The following SEL1L3 variants were observed in gnomAD, a reference collection of about 807,000 sequenced individuals.
SEL1L3 encodes the protein protein sel-1 homolog 3.
A neutral mutation model predicts 142.8 loss-of-function variants in SEL1L3; 76 were observed. That is an observed-to-expected ratio of 0.53 (90% CI 0.44 to 0.64). The LOEUF (loss-of-function observed/expected upper bound fraction) is 0.64. SEL1L3 is among the 30% of genes least tolerant of loss of function. The probability of loss-of-function intolerance (pLI) is 0.00; values close to 1 mark genes in which losing one functional copy is unlikely to be tolerated. For missense variants in SEL1L3, 1,262 were observed against 1,381.7 expected, an observed-to-expected ratio of 0.91 and a Z score of 1.37; for synonymous variants, 504 against 519.6, an observed-to-expected ratio of 0.97 and a Z score of 0.41.
chr4:25,818,799 G>A (rs958390934), intron 8 of SEL1L3, among the ~76,000 whole-genome samples: 8 of 152,084 alleles, frequency 5.3e-5, no homozygotes, highest in African/African-American at 1.4e-4. Flanking sequence ...CATATTTTCC[G>A]GATGATTCAG....
intron 9 of SEL1L3, among the ~76,000 whole-genome samples, chr4:25,809,983 G>A (rs909594947): frequency 3.3e-5 from 5 of 152,186 alleles, no homozygotes; most frequent in African/African-American, 4.8e-5. Flanking sequence ...ACTCCTTGGC[G>A]TATTGTGTGG....
At chr4:25,847,952 A>T in intron 1 of SEL1L3, 88 bp from the exon 2 acceptor site, 2 of 822,168 alleles carry the variant, frequency 2.4e-6, no homozygotes, top group Non-Finnish European at 3.8e-6. Context: ...TTCCTGGGAT[A>T]AAAAAATATC....
rs1045862379 is a variant in SEL1L3 at position 25,791,751 on chromosome 4, T to G, written c.1957-1177A>C. 7.2e-4 allele frequency among the ~76,000 whole-genome samples: 110 copies of G among 152,214 alleles called. 1 individual carries two copies. Among genetic ancestry groups the G allele is most frequent in the African/African-American group, 2.6e-3 (108 of 41,528 alleles). On this transcript the variant is annotated intron_variant, in intron 11 of 23. Transcript: ENST00000399878. ...CAATGTGGTGAAACCCCATCTGTAC[T>G]AAAAATACATAATTTAATGGGTGTG...
intron 19 of SEL1L3, 37 bp from the exon 20 acceptor site, chr4:25,765,472 G>GT (rs762843779): frequency 4.2e-4 from 583 of 1,389,214 alleles, no homozygotes; most frequent in Non-Finnish European, 5.4e-4. Context: ...TTGTCAAGTG[G>GT]TTTTTTTTAT....
At chr4:25,780,792 A>C (rs1719940754) in intron 15 of SEL1L3, among the ~76,000 whole-genome samples, 1 of 142,282 alleles carries the variant, frequency 7.0e-6, no homozygotes, top group South Asian at 2.1e-4. Context: ...AATACACATA[A>C]ATAAAATATA....
Position 25,847,635 on chromosome 4 carries a change from C to CT in SEL1L3, c.391dup (p.Arg131LysfsTer5). ...GTGAAGATGTTTCTCATTCTTCCAC[C>CT]TTTTTTTGTACACGGGAATGCTACT... On this transcript the variant is annotated frameshift_variant, in exon 2 of 24. Coordinates refer to ENST00000399878, the MANE Select transcript of SEL1L3 (RefSeq NM_015187.5). LOFTEE classifies it high-confidence loss of function. 2 of 1,613,802 alleles carry CT rather than the reference C, an allele frequency of 1.2e-6. No homozygotes were observed. Among genetic ancestry groups the CT allele is most frequent in the Non-Finnish European group, 1.7e-6 (2 of 1,179,792 alleles).
chr4:25,730,214 G>A, the SEL1L3 span, among the ~76,000 whole-genome samples: 1 of 152,098 alleles, frequency 6.6e-6, no homozygotes, highest in East Asian at 1.9e-4. Context: ...GTGAGCCACC[G>A]AGCCCGGCTA....
chr4:25,801,318 G>A (rs779984250), intron 11 of SEL1L3, among the ~76,000 whole-genome samples: 4 of 152,188 alleles, frequency 2.6e-5, no homozygotes, highest in South Asian at 2.1e-4. Context: ...CATGAGAATC[G>A]CTTGAACCCA....
At chr4:25,759,178 C>G in intron 20 of SEL1L3, 110 bp from the exon 21 acceptor site, 1 of 1,146,104 alleles carries the variant, frequency 8.7e-7, no homozygotes, top group South Asian at 1.6e-5. Context: ...TTTTAAGTCT[C>G]TAGAGCCAGA....
chr4:25,749,753 A>G (rs1231489484), intron 23 of SEL1L3, among the ~76,000 whole-genome samples: 1 of 152,232 alleles, frequency 6.6e-6, no homozygotes, highest in Admixed American at 6.5e-5. Flanking sequence ...TTAGTGAGAA[A>G]TATCACGAAC....
chr4:25,853,299 A>G (rs1717023337), intron 1 of SEL1L3, among the ~76,000 whole-genome samples: 1 of 152,382 alleles, frequency 6.6e-6, no homozygotes, highest in East Asian at 1.9e-4. Context: ...TACTCTCCAC[A>G]GAGCCGTCCC....
intron 9 of SEL1L3, among the ~76,000 whole-genome samples, chr4:25,813,078 C>A (rs1160392558): frequency 6.6e-6 from 1 of 152,164 alleles, no homozygotes; most frequent in African/African-American, 2.4e-5. Context: ...GAAATTGGAA[C>A]CCTTGTGCAC....
At chr4:25,734,588 TGA>T in the SEL1L3 span, among the ~76,000 whole-genome samples, 1 of 151,966 alleles carries the variant, frequency 6.6e-6, no homozygotes, top group Non-Finnish European at 1.5e-5. Flanking sequence ...TCTTTTTTTT[TGA>T]GACAGTCTCA....
At chr4:25,762,986 A>G (rs1718480621) in intron 20 of SEL1L3, among the ~76,000 whole-genome samples, 1 of 151,928 alleles carries the variant, frequency 6.6e-6, no homozygotes, top group South Asian at 2.1e-4. Context: ...AAAAAAAAAA[A>G]AAAAAGTGAC....
At chr4:25,828,367 T>C (rs1715224146) in intron 6 of SEL1L3, among the ~76,000 whole-genome samples, 1 of 151,882 alleles carries the variant, frequency 6.6e-6, no homozygotes, top group South Asian at 2.1e-4. Flanking sequence ...CCCAAGATTC[T>C]GCATTTCTTT....
chr4:25,769,024 C>T (rs1718965495), intron 17 of SEL1L3, among the ~76,000 whole-genome samples: 1 of 65,626 alleles, frequency 1.5e-5, no homozygotes, highest in African/African-American at 5.5e-5. Context: ...ATCTGATTTC[C>T]TCAATTTTTA....
At chr4:25,791,497 C>T (rs140350334) in intron 11 of SEL1L3, among the ~76,000 whole-genome samples, 367 of 152,308 alleles carry the variant, frequency 2.4e-3, no homozygotes, top group African/African-American at 8.2e-3. Flanking sequence ...ATAATGAAGT[C>T]GCTCTAATAG....
intron 16 of SEL1L3, chr4:25,777,794 G>A: frequency 2.2e-6 from 1 of 456,068 alleles, no homozygotes; most frequent in South Asian, 1.6e-5. Context: ...GGTCAGGTCA[G>A]GTTGAATTTG....
At chr4:25,737,345 A>G in the SEL1L3 span, among the ~76,000 whole-genome samples, 3 of 152,288 alleles carry the variant, frequency 2.0e-5, no homozygotes, top group South Asian at 6.2e-4. Flanking sequence ...GAAGTCCAAG[A>G]TGAAAGTGCT....
Sources: allele counts gnomAD v4.1 joint callset (sites outside exome capture counted in the v4.1 genomes callset), GRCh38; gene constraint gnomAD v4.1.1; transcripts MANE v1.5; gene names NCBI Gene and HGNC (gene_info 2026-07-23, HGNC 2026-07-21).